FOXP1: variants seen among roughly 807,000 people sequenced by gnomAD.
FOXP1 encodes the protein forkhead box P1, also known as forkhead box protein P1.
Under a neutral mutation model 98.2 loss-of-function variants are expected in FOXP1, and 15 were observed. That is an observed-to-expected ratio of 0.15 (90% CI 0.10 to 0.24). The LOEUF is 0.24. Among genes scored for constraint, FOXP1 ranks in the 10% least tolerant of loss-of-function variants. The probability of loss-of-function intolerance (pLI) is 1.00; values close to 1 mark genes in which losing one functional copy is unlikely to be tolerated. For missense variants in FOXP1, 633 were observed against 848.5 expected (o/e 0.75, Z 3.15); for synonymous variants, 371 against 314.5 (o/e 1.18, Z -1.90).
intron 7 of FOXP1, among the ~76,000 whole-genome samples, chr3:71,089,117 A>G (rs1376295284): frequency 6.6e-6 from 1 of 152,210 alleles, no homozygotes; most frequent in Non-Finnish European, 1.5e-5. Flanking sequence ...ACAAGCCCCA[A>G]AGATTCTCAC....
intron 2 of FOXP1, among the ~76,000 whole-genome samples, chr3:71,532,636 A>C (rs2043951194): frequency 6.6e-6 from 1 of 152,192 alleles, no homozygotes. Flanking sequence ...ATCTCCTCCC[A>C]ATCCATGCCC....
intron 3 of FOXP1, among the ~76,000 whole-genome samples, chr3:71,488,591 A>T (rs1256920807): frequency 6.6e-6 from 1 of 152,236 alleles, no homozygotes; most frequent in Non-Finnish European, 1.5e-5. Context: ...AATGGTTTCC[A>T]CCTTGGCCCC....
chr3:71,392,265 A>T (rs2081090858), intron 3 of FOXP1, among the ~76,000 whole-genome samples: 1 of 152,220 alleles, frequency 6.6e-6, no homozygotes, highest in Admixed American at 6.5e-5. Flanking sequence ...ATTAAACCTA[A>T]GGGTGAAACA....
At chr3:71,237,962 G>A (rs1276131977) in intron 5 of FOXP1, among the ~76,000 whole-genome samples, 1 of 152,162 alleles carries the variant, frequency 6.6e-6, no homozygotes, top group Non-Finnish European at 1.5e-5. Flanking sequence ...AGGAATTGAC[G>A]TTATACTAAA....
intron 4 of FOXP1, among the ~76,000 whole-genome samples, chr3:71,315,090 A>T (rs2074985229): frequency 4.1e-5 from 4 of 97,660 alleles, no homozygotes; most frequent in Non-Finnish European, 1.1e-4. Context: ...AAAAAAAAAA[A>T]AAAAAAAAAA....
intron 10 of FOXP1, among the ~76,000 whole-genome samples, chr3:71,046,164 T>C (rs144453310): frequency 6.6e-6 from 1 of 152,306 alleles, no homozygotes; most frequent in East Asian, 1.9e-4. Context: ...TGCTTTCACA[T>C]TACATATGTG....
intron 3 of FOXP1, among the ~76,000 whole-genome samples, chr3:71,432,415 T>C (rs2084801173): frequency 6.6e-6 from 1 of 152,026 alleles, no homozygotes; most frequent in Non-Finnish European, 1.5e-5. Flanking sequence ...CACCCCTCCC[T>C]ACATTCAAAG....
intron 6 of FOXP1, among the ~76,000 whole-genome samples, chr3:71,148,198 G>A (rs1042307509): frequency 2.6e-5 from 4 of 152,156 alleles, no homozygotes; most frequent in East Asian, 3.9e-4. Flanking sequence ...CCAACATGGC[G>A]AAACCTTGTC....
chr3:71,493,902 G>A (rs945323438), intron 2 of FOXP1, among the ~76,000 whole-genome samples: 56 of 152,048 alleles, frequency 3.7e-4, no homozygotes, highest in African/African-American at 1.3e-3. Flanking sequence ...ACAGATAAAT[G>A]TACCATTCCC....
At chr3:71,072,140 A>G (rs2107440826) in intron 7 of FOXP1, among the ~76,000 whole-genome samples, 1 of 152,276 alleles carries the variant, frequency 6.6e-6, no homozygotes, top group South Asian at 2.1e-4. Flanking sequence ...AGGGCAATGT[A>G]GCAAGACCCT....
At position 71,581,647 on chromosome 3, in the gene FOXP1, CCCGCTCGCTCGCTCGCCG is replaced by C; in HGVS notation, c.-414_-397del. 1 of 985,968 alleles carries C rather than the reference CCCGCTCGCTCGCTCGCCG, an allele frequency of 1.0e-6. No homozygotes were observed. The highest frequency in any genetic ancestry group is 1.2e-6 in the Non-Finnish European group (1 of 830,142). The allele number at this position is 985,968 out of a possible 1,614,324, so 61.1% of individuals were successfully genotyped here. The stretch of plus-strand genomic sequence containing the variant: ...CCGGCGCCGCTGCCGCTGCCCCCGG[CCCGCTCGCTCGCTCGCCG>C]CGCGCTCTCTTCCTCTTACAAACTT... On this transcript the variant is annotated 5_prime_UTR_variant, in exon 2 of 21. Transcript: ENST00000649528.
chr3:71,396,984 GTATATATATACACATATATA>G (rs2081473042), intron 3 of FOXP1, among the ~76,000 whole-genome samples: 2 of 20,856 alleles, frequency 9.6e-5, no homozygotes, highest in East Asian at 3.7e-4. Flanking sequence ...ATATATATGT[GTATATATATACACATATATA>G]TGTGTATATA....
At chr3:71,300,337 C>T (rs954512591) in intron 4 of FOXP1, among the ~76,000 whole-genome samples, 3 of 152,196 alleles carry the variant, frequency 2.0e-5, no homozygotes, top group Non-Finnish European at 2.9e-5. Context: ...CTTTCTGCCA[C>T]TTCGGACCTT....
At chr3:71,423,224 T>C (rs984811233) in intron 3 of FOXP1, among the ~76,000 whole-genome samples, 1 of 152,188 alleles carries the variant, frequency 6.6e-6, no homozygotes, top group Non-Finnish European at 1.5e-5. Context: ...TAGGTGCTAT[T>C]AAGCCCATTT....
At chr3:71,062,450 T>C (rs771147088) in intron 7 of FOXP1, among the ~76,000 whole-genome samples, 1 of 152,226 alleles carries the variant, frequency 6.6e-6, no homozygotes, top group East Asian at 1.9e-4. Context: ...GGTTGTTTTC[T>C]ATTACATGTC....
chr3:71,431,613 C>T (rs898202642), intron 3 of FOXP1, among the ~76,000 whole-genome samples: 4 of 152,190 alleles, frequency 2.6e-5, no homozygotes, highest in African/African-American at 9.7e-5. Context: ...TCCCACACAG[C>T]CCCATTGCCT....
intron 3 of FOXP1, among the ~76,000 whole-genome samples, chr3:71,482,962 T>C (rs6805189): frequency 0.42 from 63,404 of 151,536 alleles, 14,051 homozygotes; most frequent in Non-Finnish European, 0.48. Flanking sequence ...CAGCCTCCCA[T>C]GTAGCTGGGA....
At chr3:71,482,925 C>A (rs1488890900) in intron 3 of FOXP1, among the ~76,000 whole-genome samples, 1 of 151,874 alleles carries the variant, frequency 6.6e-6, no homozygotes, top group African/African-American at 2.4e-5. Context: ...ACCTCCACCT[C>A]CAGGATTCAA....
At chr3:71,436,133 T>A (rs766605744) in intron 3 of FOXP1, among the ~76,000 whole-genome samples, 2 of 151,890 alleles carry the variant, frequency 1.3e-5, no homozygotes, top group Non-Finnish European at 2.9e-5. Context: ...TTCTAATTAT[T>A]CCTATTACAT....
Sources: allele counts gnomAD v4.1 joint callset (sites outside exome capture counted in the v4.1 genomes callset), GRCh38; gene constraint gnomAD v4.1.1; transcripts MANE v1.5; gene names NCBI Gene and HGNC (gene_info 2026-07-23, HGNC 2026-07-21).